Variants in ANKFN1 observed in about 807,000 individuals in gnomAD.
ANKFN1 encodes ankyrin repeat and fibronectin type III domain containing 1, also known as ankyrin repeat and fibronectin type-III domain-containing protein 1.
A neutral mutation model predicts 108.7 loss-of-function variants in ANKFN1; 74 were observed. That is an observed-to-expected ratio of 0.68 (90% CI 0.56 to 0.83). The LOEUF is 0.83. Among genes scored for constraint, ANKFN1 ranks in the 40% least tolerant of loss-of-function variants. The probability of loss-of-function intolerance (pLI) is 0.00; values close to 1 mark genes in which losing one functional copy is unlikely to be tolerated. For missense variants in ANKFN1, 1,505 were observed against 1,382.3 expected (o/e 1.09, Z -1.41); for synonymous variants, 547 against 516.2 (o/e 1.06, Z -0.81).
chr17:56,076,813 GAAA>G (rs1047376282), intron 4 of ANKFN1, among the ~76,000 whole-genome samples: 2 of 151,714 alleles, frequency 1.3e-5, no homozygotes, highest in Non-Finnish European at 2.9e-5. Flanking sequence ...AGAAAGACAA[GAAA>G]AAAAACTAAA....
chr17:56,442,779 C>A, intron 9 of ANKFN1, 64 bp from the exon 10 acceptor site: 2 of 1,429,550 alleles, frequency 1.4e-6, no homozygotes, highest in South Asian at 2.4e-5. Flanking sequence ...AATTCTATAC[C>A]CATAGAGTCT....
At chr17:56,136,138 ACAGT>A (rs1907589221) in intron 4 of ANKFN1, among the ~76,000 whole-genome samples, 1 of 152,192 alleles carries the variant, frequency 6.6e-6, no homozygotes, top group African/African-American at 2.4e-5. Flanking sequence ...CTATGCATGG[ACAGT>A]CAGTCAAAAG....
At position 56,492,396 on chromosome 17, in the gene ANKFN1, G is replaced by A. The variant is rs77810899; in HGVS notation, c.2427+43G>A. On this transcript the variant is annotated intron_variant, in intron 19 of 20. Coordinates refer to ENST00000682825, the MANE Select transcript of ANKFN1 (RefSeq NM_001370326.1). ...CTGGGGTAAAAGGAAGGGAGAAGAG[G>A]CAGGGTGGAAAGGGTGAAAAGCCAA... The A allele has an allele frequency of 2.6e-3, 1,824 of 692,048 alleles. 26 individuals are homozygous for A. In the African/African-American group the frequency reaches 0.029, roughly 11 times the overall value. The allele number at this position is 692,048 out of a possible 1,614,324, so 42.9% of individuals were successfully genotyped here. A position where few individuals can be genotyped will look rare whatever the true frequency, so the allele number is the denominator to read the frequency against.
chr17:56,422,164 A>T (rs969220481), intron 8 of ANKFN1, among the ~76,000 whole-genome samples: 3 of 152,224 alleles, frequency 2.0e-5, no homozygotes, highest in Non-Finnish European at 2.9e-5. Context: ...TGCATAAATT[A>T]TGCATTTTAA....
At chr17:56,382,133 C>T (rs1267069243) in intron 8 of ANKFN1, among the ~76,000 whole-genome samples, 4 of 152,244 alleles carry the variant, frequency 2.6e-5, no homozygotes, top group East Asian at 1.9e-4. Flanking sequence ...GCGGATCTCT[C>T]GGCAGAAACT....
intron 4 of ANKFN1, among the ~76,000 whole-genome samples, chr17:56,098,401 T>C (rs1274421654): frequency 1.4e-5 from 2 of 147,270 alleles, no homozygotes; most frequent in East Asian, 3.9e-4. Flanking sequence ...TAGCCCCTGC[T>C]ACACACATAC....
chr17:56,425,128 A>T (rs1009566981), intron 8 of ANKFN1, among the ~76,000 whole-genome samples: 2 of 123,068 alleles, frequency 1.6e-5, no homozygotes, highest in African/African-American at 6.6e-5. Flanking sequence ...GCTCTTAGTT[A>T]AAAAAAAAAA....
At chr17:56,413,821 G>A (rs1221759724) in intron 8 of ANKFN1, among the ~76,000 whole-genome samples, 2 of 152,056 alleles carry the variant, frequency 1.3e-5, no homozygotes, top group East Asian at 1.9e-4. Flanking sequence ...CCGGGTTCAA[G>A]CGATTCTCCT....
intron 8 of ANKFN1, among the ~76,000 whole-genome samples, chr17:56,380,458 T>G (rs2047063548): frequency 6.6e-6 from 1 of 152,168 alleles, no homozygotes; most frequent in Non-Finnish European, 1.5e-5. Context: ...CAGTGCACCG[T>G]GCACGAGCCA....
chr17:56,310,662 A>G (rs376105472), intron 3 of ANKFN1, among the ~76,000 whole-genome samples: 15 of 152,160 alleles, frequency 9.9e-5, no homozygotes, highest in African/African-American at 3.4e-4. Context: ...GATATAGCTA[A>G]GGTGTACAAT....
chr17:56,152,258 A>ATGTGTG (rs1211660209), upstream of ANKFN1, among the ~76,000 whole-genome samples: 488 of 84,404 alleles, frequency 5.8e-3, 1 homozygote, highest in African/African-American at 0.016. Flanking sequence ...ATATATATAT[A>ATGTGTG]TATATGTGTG....
chr17:56,442,029 A>G (rs898113125), intron 9 of ANKFN1, among the ~76,000 whole-genome samples: 5 of 152,336 alleles, frequency 3.3e-5, no homozygotes, highest in Non-Finnish European at 5.9e-5. Context: ...AAAATATAAA[A>G]ATTCAAGCAA....
In ANKFN1 at chr17:56,378,383, C is replaced by T. The variant is rs115320566; in HGVS notation, c.910+3669C>T. ...ATCTTTTCTACAAGAATGGAGAAAA[C>T]CCTGACATCACAGAGCACAGGTTCC... On this transcript the variant is annotated intron_variant, in intron 8 of 20. Transcript: ENST00000682825. 3.4e-3 allele frequency among the ~76,000 whole-genome samples: 514 copies of T among 152,206 alleles called. 1 individual carries two copies. Among genetic ancestry groups the T allele is most frequent in the Middle Eastern group, 0.014 (4 of 294 alleles).
intron 4 of ANKFN1, among the ~76,000 whole-genome samples, chr17:56,055,596 T>TATATATATATATATATACAC (rs768200056): frequency 7.7e-6 from 1 of 130,638 alleles, no homozygotes; most frequent in African/African-American, 3.1e-5. Flanking sequence ...TATGTATATA[T>TATATATATATATATATACAC]ACACATTTTT....
At chr17:56,144,185 A>AAAAAACAACT (rs1555600058) in intron 4 of ANKFN1, among the ~76,000 whole-genome samples, 1 of 99,232 alleles carries the variant, frequency 1.0e-5, no homozygotes, top group Non-Finnish European at 2.1e-5. Flanking sequence ...AAAAAAAAAA[A>AAAAAACAACT]CAGCCCAAAC....
chr17:56,502,898 G>C (rs1291414503), intron 20 of ANKFN1, among the ~76,000 whole-genome samples: 1 of 152,184 alleles, frequency 6.6e-6, no homozygotes, highest in East Asian at 1.9e-4. Flanking sequence ...GGAGTAGGTG[G>C]ATGGAGAATG....
At chr17:56,291,467 A>G (rs1423064088) in intron 3 of ANKFN1, among the ~76,000 whole-genome samples, 1 of 152,164 alleles carries the variant, frequency 6.6e-6, no homozygotes, top group Non-Finnish European at 1.5e-5. Flanking sequence ...TGACCTTCTG[A>G]TACCCAGATG....
At chr17:56,451,805 C>T (rs894929194) in intron 11 of ANKFN1, among the ~76,000 whole-genome samples, 1 of 152,310 alleles carries the variant, frequency 6.6e-6, no homozygotes, top group South Asian at 2.1e-4. Flanking sequence ...TATGCATATT[C>T]CATAGAATTG....
chr17:56,063,482 C>T (rs1905011568), intron 4 of ANKFN1, among the ~76,000 whole-genome samples: 1 of 151,198 alleles, frequency 6.6e-6, no homozygotes, highest in South Asian at 2.1e-4. Context: ...GTCTGTATGC[C>T]TTATTTCAGC....
Sources: gnomAD v4.1 joint callset for allele counts (sites outside exome capture counted in the v4.1 genomes callset) on GRCh38, gnomAD v4.1.1 for gene constraint, MANE v1.5 for transcripts, NCBI Gene and HGNC (gene_info 2026-07-23, HGNC 2026-07-21) for gene names.